Variants in TENM3 observed in about 807,000 individuals in gnomAD.
TENM3 encodes the protein teneurin transmembrane protein 3.
In TENM3, 63 loss-of-function variants were observed where a neutral mutation model predicts 255.1. The ratio of observed to expected loss-of-function variants is 0.25; its 90% CI spans 0.20 to 0.30. The LOEUF is 0.30. Among genes scored for constraint, TENM3 ranks in the 10% least tolerant of loss-of-function variants. TENM3 has a pLI of 1.00. For synonymous variants in TENM3, 1,306 were observed against 1,322.3 expected (o/e 0.99, Z 0.27); for missense variants, 2,929 against 3,461.1 (o/e 0.85, Z 3.86).
chr4:181,592,719 GAA>G, the TENM3 span, among the ~76,000 whole-genome samples: 1 of 150,442 alleles, frequency 6.6e-6, no homozygotes, highest in African/African-American at 2.4e-5. Context: ...TGGAAGTGGA[GAA>G]GCAAACTTTT....
intron 1 of TENM3, among the ~76,000 whole-genome samples, chr4:182,203,347 A>G (rs1754332381): frequency 6.6e-6 from 1 of 152,176 alleles, no homozygotes; most frequent in Admixed American, 6.5e-5. Flanking sequence ...TAGCGTGGTA[A>G]AAGTTTAGGG....
At chr4:182,487,624 G>T (rs1474086930) in intron 3 of TENM3, among the ~76,000 whole-genome samples, 1 of 152,074 alleles carries the variant, frequency 6.6e-6, no homozygotes, top group East Asian at 1.9e-4. Context: ...TCTGGCCAGT[G>T]CAGTTTAATA....
intron 3 of TENM3, among the ~76,000 whole-genome samples, chr4:182,371,197 G>A (rs1014197925): frequency 4.1e-5 from 6 of 148,058 alleles, no homozygotes; most frequent in African/African-American, 1.0e-4. Flanking sequence ...TGACTCCTTC[G>A]TTTCTGAGGG....
At chr4:182,555,101 C>T (rs1254482580) in intron 3 of TENM3, among the ~76,000 whole-genome samples, 2 of 152,042 alleles carry the variant, frequency 1.3e-5, no homozygotes, top group Admixed American at 1.3e-4. Flanking sequence ...TGAGTGCATG[C>T]TGAAAATGTA....
chr4:181,539,767 C>A, the TENM3 span, among the ~76,000 whole-genome samples: 2 of 152,036 alleles, frequency 1.3e-5, no homozygotes, highest in African/African-American at 4.8e-5. Context: ...ATTTTTATAT[C>A]AAAAATGAAC....
the TENM3 span, among the ~76,000 whole-genome samples, chr4:181,574,066 C>G: frequency 6.6e-6 from 1 of 152,120 alleles, no homozygotes; most frequent in African/African-American, 2.4e-5. Context: ...AATTGAAACT[C>G]CCCGAAGATT....
At chr4:182,173,861 A>G (rs1254157195) in intron 1 of TENM3, among the ~76,000 whole-genome samples, 2 of 152,076 alleles carry the variant, frequency 1.3e-5, no homozygotes, top group African/African-American at 2.4e-5. Flanking sequence ...GTTGAGACCA[A>G]TTTTTCTTGT....
At chr4:181,723,195 A>G in the TENM3 span, among the ~76,000 whole-genome samples, 9 of 151,526 alleles carry the variant, frequency 5.9e-5, no homozygotes, top group Middle Eastern at 3.2e-3. Context: ...ATGATTGTAC[A>G]ATGATGTTGG....
At chr4:182,071,728 T>G in the TENM3 span, among the ~76,000 whole-genome samples, 1 of 152,190 alleles carries the variant, frequency 6.6e-6, no homozygotes, top group Non-Finnish European at 1.5e-5. Flanking sequence ...GCTATGAACA[T>G]TCGAATTGTT....
rs115526032 is a variant in TENM3 at position 182,660,966 on chromosome 4, A to C, written c.1111+7073A>C. Among the ~76,000 whole-genome samples, 446 of 152,314 alleles carry C rather than the reference A, an allele frequency of 2.9e-3. 1 individual carries two copies. The highest frequency in any genetic ancestry group is 9.9e-3 in the African/African-American group (413 of 41,572). ...ACACCAGCTTGACTTCTAAAGGGGCAGTAAGACACATGCCCAATTTTAGCC... is the reference window on the plus strand; with the variant it reads ...ACACCAGCTTGACTTCTAAAGGGGCCGTAAGACACATGCCCAATTTTAGCC... On this transcript the variant is annotated intron_variant, in intron 6 of 27. Transcript: ENST00000511685.
intron 6 of TENM3, among the ~76,000 whole-genome samples, chr4:182,669,450 T>C (rs1755019848): frequency 6.6e-6 from 1 of 152,008 alleles, no homozygotes; most frequent in Admixed American, 6.6e-5. Context: ...TTTTGTATTC[T>C]TAGTAGAGAC....
chr4:182,799,629 C>T lies in TENM3; in HGVS notation c.7378C>T (p.Gln2460Ter). 1 of 1,544,638 alleles carries T rather than the reference C, an allele frequency of 6.5e-7. No homozygotes were observed. The highest frequency in any genetic ancestry group is 8.7e-7 in the Non-Finnish European group (1 of 1,146,572). Residue 2460 changes from glutamine (Q) to a stop codon, truncating the protein, a stop_gained, in exon 28 of 28, where the codon CAG becomes TAG. Transcript: ENST00000511685. LOFTEE classifies it high-confidence loss of function. This position sits in a 1 kb window ranked among gnomAD's most constrained non-coding sequence, Gnocchi z 4.2. ...CGGAGTCCAGCAGCAAGTGGCGCGG[C>T]AGGCCAAGGCCTTCCTGTCGCTGGG... The part of the protein sequence containing the change: ...IFGVQQQVAR[Q>*]AKAFLSLGKM...
At chr4:181,925,118 G>C in the TENM3 span, among the ~76,000 whole-genome samples, 3 of 152,270 alleles carry the variant, frequency 2.0e-5, no homozygotes, top group South Asian at 4.1e-4. Context: ...AGAAGAGATA[G>C]TGACATAATT....
chr4:182,620,298 A>G (rs891962777), intron 4 of TENM3, among the ~76,000 whole-genome samples: 42 of 152,194 alleles, frequency 2.8e-4, no homozygotes, highest in African/African-American at 7.7e-4. Context: ...ACATAAAGTA[A>G]CCATTGTGTT....
chr4:182,034,053 T>A, the TENM3 span, among the ~76,000 whole-genome samples: 10 of 152,136 alleles, frequency 6.6e-5, no homozygotes. Context: ...TGGGGAGGAC[T>A]CACAAGTGGT....
chr4:182,047,769 C>T, the TENM3 span, among the ~76,000 whole-genome samples: 1 of 152,096 alleles, frequency 6.6e-6, no homozygotes, highest in Non-Finnish European at 1.5e-5. Context: ...CCCCATTCAT[C>T]TGCTATGTAT....
At chr4:182,089,829 C>T in the TENM3 span, among the ~76,000 whole-genome samples, 3 of 152,058 alleles carry the variant, frequency 2.0e-5, no homozygotes, top group Non-Finnish European at 2.9e-5. Context: ...GTGTCCATTA[C>T]TAATTATTAG....
chr4:181,665,632 CACAT>C, the TENM3 span, among the ~76,000 whole-genome samples: 6 of 146,056 alleles, frequency 4.1e-5, no homozygotes, highest in African/African-American at 9.8e-5. Flanking sequence ...TATATACACA[CACAT>C]ACACACACAT....
At chr4:182,651,802 C>T (rs115299875) in intron 5 of TENM3, among the ~76,000 whole-genome samples, 358 of 146,172 alleles carry the variant, frequency 2.4e-3, no homozygotes, top group African/African-American at 8.9e-3. Flanking sequence ...GGGTAGATGT[C>T]GCTATCTACC....
Sources: gnomAD v4.1 joint callset for allele counts (sites outside exome capture counted in the v4.1 genomes callset) on GRCh38, gnomAD v4.1.1 for gene constraint, Gnocchi (gnomAD v3.1) non-coding constraint, MANE v1.5 for transcripts, NCBI Gene and HGNC (gene_info 2026-07-23, HGNC 2026-07-21) for gene names.